The following ZNF250 variants were observed in gnomAD, a reference collection of about 807,000 sequenced individuals.
The protein encoded by ZNF250 is zinc finger protein 250, also known as zinc finger protein (clone 647).
Under a neutral mutation model 37.1 loss-of-function variants are expected in ZNF250, and 13 were observed. That is an observed-to-expected ratio of 0.35 (90% CI 0.23 to 0.56). The LOEUF is 0.56. Ranked by LOEUF, ZNF250 falls within the 20% of genes least tolerant of loss-of-function variation. ZNF250 has a pLI of 0.87. For missense variants in ZNF250, 474 were observed against 697.9 expected (o/e 0.68, Z 3.61); for synonymous variants, 251 against 265.6 (o/e 0.94, Z 0.54).
chr8:144,893,054 G>T (rs1832460427), intron 1 of ZNF250, among the ~76,000 whole-genome samples: 1 of 150,290 alleles, frequency 6.7e-6, no homozygotes, highest in Non-Finnish European at 1.5e-5. Flanking sequence ...GTAGAGATGG[G>T]TTTTCACCAT....
chr8:144,896,777 G>T (rs965446625), intron 1 of ZNF250, among the ~76,000 whole-genome samples: 7 of 152,082 alleles, frequency 4.6e-5, no homozygotes, highest in Non-Finnish European at 8.8e-5. Context: ...GGAGATCACC[G>T]CCACAGAATA....
Position 144,881,500 on chromosome 8 carries a change from T to C in ZNF250, c.*15A>G. On this transcript the variant is annotated 3_prime_UTR_variant, in exon 6 of 6. Coordinates refer to ENST00000417550, the MANE Select transcript of ZNF250 (RefSeq NM_001109689.4). ...TGCAGTTTCTGTGAGAATGGATTCT[T>C]GTGTCAGCCATGGGTCACAACTTTC... 1 of 1,560,752 alleles carries C rather than the reference T, an allele frequency of 6.4e-7. No individual in the cohort carries two copies. Among genetic ancestry groups the C allele is most frequent in the Admixed American group, 1.8e-5 (1 of 54,596 alleles).
In ZNF250 at chr8:144,890,721, C is replaced by CTG. The variant is rs1832273814; in HGVS notation, c.-54-319_-54-318insCA. Among the ~76,000 whole-genome samples the CTG allele has an allele frequency of 6.6e-6, 1 of 152,136 alleles. No individual in the cohort carries two copies. The highest frequency in any genetic ancestry group is 1.5e-5 in the Non-Finnish European group (1 of 68,016). On this transcript the variant is annotated intron_variant, in intron 1 of 5. Coordinates refer to ENST00000417550, the MANE Select transcript of ZNF250 (RefSeq NM_001109689.4). The surrounding 1 kb of genome is among the most constrained non-coding windows in gnomAD (Gnocchi z 5.1). ...ATGGTCCTGCCATACACAAGGATAC[C>CTG]AGCTCACCAAGGCTCTGTGTGTTCT...
rs1832351590 is a variant in ZNF250 at position 144,891,710 on chromosome 8, G to T, written c.-54-1307C>A. Among the ~76,000 whole-genome samples the T allele has an allele frequency of 6.6e-6, 1 of 152,164 alleles. No individual in the cohort carries two copies. The highest frequency in any genetic ancestry group is 2.4e-5 in the African/African-American group (1 of 41,418). The stretch of plus-strand genomic sequence containing the variant: ...TCTACTAAAAACACAAAATTAGCCG[G>T]GTGTGGTGGTGCACGCCTGTAGTCC... On this transcript the variant is annotated intron_variant, in intron 1 of 5. Coordinates refer to ENST00000417550, the MANE Select transcript of ZNF250 (RefSeq NM_001109689.4). This position sits in a 1 kb window ranked among gnomAD's most constrained non-coding sequence, Gnocchi z 4.0.
intron 5 of ZNF250, among the ~76,000 whole-genome samples, chr8:144,883,325 T>C (rs1189025390): frequency 6.6e-6 from 1 of 151,720 alleles, no homozygotes; most frequent in Non-Finnish European, 1.5e-5. Context: ...CTGCCACCTC[T>C]TTGTGGAAAA....
rs1469665617 is a variant in ZNF250, at chr8:144,876,975, T to C, written c.*4540A>G. ...ACTTGTTCCAGTCATTACTTTTTTA[T>C]TGGAAAGCGTCAGATTATACACAGA... is the stretch of plus-strand genomic sequence containing the variant. On this transcript the variant is annotated 3_prime_UTR_variant, in exon 6 of 6. Coordinates refer to ENST00000417550, the MANE Select transcript of ZNF250 (RefSeq NM_001109689.4). The C allele has an allele frequency of 2.6e-5, 4 of 152,252 alleles. No individual in the cohort carries two copies. Among genetic ancestry groups the C allele is most frequent in the Admixed American group, 6.5e-5 (1 of 15,282 alleles). 9.4% of individuals were successfully genotyped at this position (152,252 alleles called of 1,614,324 possible). A position where few individuals can be genotyped will look rare whatever the true frequency, so the allele number is the denominator to read the frequency against.
intron 5 of ZNF250, among the ~76,000 whole-genome samples, chr8:144,884,568 TG>T (rs1483517913): frequency 3.9e-5 from 6 of 152,198 alleles, no homozygotes; most frequent in Non-Finnish European, 8.8e-5. Flanking sequence ...TCTTTTCAAA[TG>T]TTTTTTTAAA....
chr8:144,882,257 G>A lies in ZNF250; in HGVS notation c.926C>T (p.Pro309Leu), dbSNP rs778418954. ...IHTGERPYVC[P>L]LCGKAFNHST... ...ATGGTTGAAGGCTTTCCCACACAAC[G>A]GACACACATATGGCCTTTCTCCCGT... The change falls in exon 6 of 6, where the codon CCG (proline) becomes CTG (leucine). Residue 309 changes from proline to leucine, a missense_variant. Physicochemically the swap from Pro to Leu is moderately conservative, Grantham distance 98. Coordinates refer to ENST00000417550, the MANE Select transcript of ZNF250 (RefSeq NM_001109689.4). This position sits in a 1 kb window ranked among gnomAD's most constrained non-coding sequence, Gnocchi z 5.5. 11 of 1,613,550 alleles carry A rather than the reference G, an allele frequency of 6.8e-6. No individual in the cohort carries two copies. The highest frequency in any genetic ancestry group is 3.3e-4 in the Middle Eastern group (2 of 6,084).
intron 1 of ZNF250, among the ~76,000 whole-genome samples, chr8:144,899,324 C>T (rs1356780815): frequency 2.6e-5 from 4 of 151,996 alleles, no homozygotes; most frequent in African/African-American, 7.3e-5. Context: ...TTTGATACCA[C>T]GGTAAGATGA....
At position 144,880,787 on chromosome 8, in the gene ZNF250, C is replaced by A; in HGVS notation, c.*728G>T. ...ACTGAGGCACAAGAAAAGCTTGAACCTGGGGTGGGGGCGGAGACTGCAGTG... is the reference window on the plus strand; with the variant it reads ...ACTGAGGCACAAGAAAAGCTTGAACATGGGGTGGGGGCGGAGACTGCAGTG... On this transcript the variant is annotated 3_prime_UTR_variant, in exon 6 of 6. Coordinates refer to ENST00000417550, the MANE Select transcript of ZNF250 (RefSeq NM_001109689.4). 1 of 277,266 alleles carries A rather than the reference C, an allele frequency of 3.6e-6. No homozygotes were observed. Among genetic ancestry groups the A allele is most frequent in the South Asian group, 3.6e-5 (1 of 27,816 alleles). 17.2% of individuals were successfully genotyped at this position (277,266 alleles called of 1,614,324 possible).
intron 5 of ZNF250, among the ~76,000 whole-genome samples, chr8:144,885,102 T>TA (rs1831773959): frequency 6.6e-6 from 1 of 152,230 alleles, no homozygotes; most frequent in African/African-American, 2.4e-5. Context: ...TAAAAAAATT[T>TA]AAATTCACTG....
At chr8:144,888,782 T>C (rs1170434736) in intron 4 of ZNF250, among the ~76,000 whole-genome samples, 1 of 152,040 alleles carries the variant, frequency 6.6e-6, no homozygotes, top group African/African-American at 2.4e-5. Flanking sequence ...AGTCTCATGC[T>C]CTGTCCCCCA....
chr8:144,896,176 A>C (rs958320433), intron 1 of ZNF250, among the ~76,000 whole-genome samples: 2 of 151,994 alleles, frequency 1.3e-5, no homozygotes, highest in Non-Finnish European at 2.9e-5. Flanking sequence ...CCTGGACAAT[A>C]TAGTGAGACC....
intron 1 of ZNF250, among the ~76,000 whole-genome samples, chr8:144,898,290 C>T (rs1832856556): frequency 6.6e-6 from 1 of 151,794 alleles, no homozygotes; most frequent in South Asian, 2.1e-4. Context: ...GAGTGAGACT[C>T]CATCTCAAAA....
At chr8:144,900,501 G>T (rs533806018) in intron 1 of ZNF250, among the ~76,000 whole-genome samples, 3 of 152,320 alleles carry the variant, frequency 2.0e-5, no homozygotes, top group Admixed American at 2.0e-4. Context: ...AGAGTGTCGG[G>T]GGGGATGACT....
At chr8:144,893,239 CT>C (rs1055604607) in intron 1 of ZNF250, among the ~76,000 whole-genome samples, 3 of 152,174 alleles carry the variant, frequency 2.0e-5, no homozygotes, top group Admixed American at 6.5e-5. Flanking sequence ...CCTGGTCCCC[CT>C]GTCTGACATC....
intron 5 of ZNF250, among the ~76,000 whole-genome samples, chr8:144,883,157 T>C (rs879897378): frequency 5.3e-5 from 8 of 152,144 alleles, no homozygotes; most frequent in Non-Finnish European, 1.2e-4. Context: ...GGGGTCCTCA[T>C]GTGGACAGAG....
At chr8:144,898,174 G>A (rs1832847666) in intron 1 of ZNF250, among the ~76,000 whole-genome samples, 1 of 152,164 alleles carries the variant, frequency 6.6e-6, no homozygotes, top group Non-Finnish European at 1.5e-5. Context: ...GCACGTGCCT[G>A]TAATTCCAGC....
rs1831512929 is a variant in ZNF250 at position 144,882,029 on chromosome 8, G to C, written c.1154C>G (p.Thr385Ser). ...ACTGCACTCATAGGGCTTCTCCCCG[G>C]TGTGCACGTTGTGGTGCTGAATGAG... ...SVLIQHHNVH[T>S]GEKPYECSEC... The change falls in exon 6 of 6, where the codon ACC (threonine) becomes AGC (serine). Residue 385 changes from threonine to serine, a missense_variant. By Grantham distance (58) the Thr-to-Ser change is moderately conservative. Around this residue, in one of 2 missense-constraint regions of ZNF250, gnomAD observed 282 missense variants for 470.4 expected, o/e 0.60. Transcript: ENST00000417550. This position sits in a 1 kb window ranked among gnomAD's most constrained non-coding sequence, Gnocchi z 5.5. 6.2e-7 allele frequency: 1 copy of C among 1,614,042 alleles called. No homozygotes were observed. The highest frequency in any genetic ancestry group is 8.5e-7 in the Non-Finnish European group (1 of 1,180,028).
Sources: allele counts gnomAD v4.1 joint callset (sites outside exome capture counted in the v4.1 genomes callset), GRCh38; gene constraint gnomAD v4.1.1; regional missense constraint gnomAD v4.1.1; non-coding constraint Gnocchi (gnomAD v3.1); transcripts MANE v1.5; gene names NCBI Gene and HGNC (gene_info 2026-07-23, HGNC 2026-07-21).